BMP2K: variants seen among roughly 807,000 people sequenced by gnomAD.
The protein encoded by BMP2K is BMP2 inducible kinase, also known as BMP-2-inducible protein kinase.
BMP2K carries 74 observed loss-of-function variants against 116.0 expected under a neutral mutation model. The ratio of observed to expected loss-of-function variants is 0.64; its 90% confidence interval spans 0.53 to 0.77. BMP2K has a LOEUF of 0.77. Among genes scored for constraint, BMP2K ranks in the 30% least tolerant of loss-of-function variants. BMP2K has a pLI of 0.00. For synonymous variants in BMP2K, 486 were observed against 502.5 expected, an observed-to-expected ratio of 0.97 and a Z score of 0.44; for missense variants, 1,365 against 1,403.6, an observed-to-expected ratio of 0.97 and a Z score of 0.44.
chr4:78,786,744 C>G (rs1727751337), intron 1 of BMP2K, among the ~76,000 whole-genome samples: 1 of 152,142 alleles, frequency 6.6e-6, no homozygotes, highest in African/African-American at 2.4e-5. Context: ...GAAACCCTAT[C>G]TACAACCAAA....
chr4:78,912,190 A>G lies in BMP2K; in HGVS notation c.*157A>G. On this transcript the variant is annotated 3_prime_UTR_variant, in exon 16 of 16. Transcript: ENST00000502613. The stretch of plus-strand genomic sequence containing the variant: ...AATAAACCAAATAGAAGAATGAAGT[A>G]TCTCTACAGGGTAGTAACTTGATTC... The G allele has an allele frequency of 2.8e-6, 2 of 702,236 alleles. No homozygotes were observed. The highest frequency in any genetic ancestry group is 1.9e-5 in the South Asian group (1 of 51,986). The allele number at this position is 702,236 out of a possible 1,614,324, so 43.5% of individuals were successfully genotyped here. A position where few individuals can be genotyped will look rare whatever the true frequency, so the allele number is the denominator to read the frequency against.
At position 78,872,673 on chromosome 4, in the gene BMP2K, T is replaced by C. The variant is rs371083181; in HGVS notation, c.1668T>C (p.Ser556=). The change falls in exon 13 of 16, where the codon TCT becomes TCC. Residue 556 remains serine, a synonymous_variant. Coordinates refer to ENST00000502613, the MANE Select transcript of BMP2K (RefSeq NM_198892.2). ...AGATGCTAGCTCAACATCAGCCGTC[T>C]CAACAACAGGCATCACCTGAATATC... The part of the protein sequence containing the change: ...QQQMLAQHQP[S]QQQASPEYLT... 1.2e-6 allele frequency: 2 copies of C among 1,614,030 alleles called. No homozygotes were observed. The highest frequency in any genetic ancestry group is 1.7e-6 in the Non-Finnish European group (2 of 1,180,006).
chr4:78,890,097 A>G (rs1288647461), intron 15 of BMP2K, among the ~76,000 whole-genome samples: 1 of 152,094 alleles, frequency 6.6e-6, no homozygotes, highest in Non-Finnish European at 1.5e-5. Flanking sequence ...ATAATCTTAC[A>G]AAGTGATTTG....
chr4:78,866,004 G>A (rs1055698011), intron 10 of BMP2K, among the ~76,000 whole-genome samples: 2 of 152,044 alleles, frequency 1.3e-5, no homozygotes, highest in African/African-American at 4.8e-5. Flanking sequence ...CAACTAATAG[G>A]GTTTGAGGTT....
At chr4:78,793,810 AAAT>A (rs910147671) in intron 1 of BMP2K, among the ~76,000 whole-genome samples, 91 of 152,340 alleles carry the variant, frequency 6.0e-4, no homozygotes, top group African/African-American at 2.0e-3. Context: ...TTATATGTTG[AAAT>A]AATATTTTGG....
Position 78,859,655 on chromosome 4 carries a change from G to T in BMP2K, c.955G>T (p.Ala319Ser). The T allele has an allele frequency of 6.2e-7, 1 of 1,609,554 alleles. No individual in the cohort carries two copies. The highest frequency in any genetic ancestry group is 8.5e-7 in the Non-Finnish European group (1 of 1,177,418). ...AGTGTCATATTTTGCATTTAAATTT[G>T]CCAAAAAGGATTGTCCAGTCTCCAA... Reference protein sequence around the residue: ...FQVSYFAFKFAKKDCPVSNIN... With the variant: ...FQVSYFAFKFSKKDCPVSNIN... The change falls in exon 8 of 16, where the codon GCC becomes TCC. Residue 319 changes from alanine (A) to serine (S), a missense_variant. This residue lies in a region of BMP2K where 762 missense variants were observed against 756.7 expected (regional missense o/e 1.01). Transcript: ENST00000502613.
chr4:78,826,109 A>G lies in BMP2K; in HGVS notation c.251A>G (p.Asn84Ser). The G allele has an allele frequency of 3.1e-6, 5 of 1,614,200 alleles. No individual in the cohort carries two copies. Among genetic ancestry groups the G allele is most frequent in the Non-Finnish European group, 3.4e-6 (4 of 1,180,004 alleles). ...TGTGCATTGAAGCGAATGTATGTCA[A>G]TAACATGCCAGACCTCAATGTTTGT... is the stretch of plus-strand genomic sequence containing the variant. ...IRCALKRMYV[N>S]NMPDLNVCKR... The change falls in exon 2 of 16, where the codon AAT becomes AGT. Residue 84 changes from asparagine (N) to serine (S), a missense_variant. Physicochemically the swap from Asn to Ser is conservative, Grantham distance 46. Coordinates refer to ENST00000502613, the MANE Select transcript of BMP2K (RefSeq NM_198892.2).
chr4:78,849,940 T>A (rs75180157), intron 6 of BMP2K, among the ~76,000 whole-genome samples: 15 of 151,846 alleles, frequency 9.9e-5, no homozygotes, highest in Non-Finnish European at 1.6e-4. Context: ...CTGAGTTTAC[T>A]AAGTTGATAT....
chr4:78,800,568 A>G (rs1216965675), intron 1 of BMP2K, among the ~76,000 whole-genome samples: 1 of 152,196 alleles, frequency 6.6e-6, no homozygotes, highest in Non-Finnish European at 1.5e-5. Context: ...TTATGTCTGT[A>G]ACTTGTTTAG....
intron 15 of BMP2K, among the ~76,000 whole-genome samples, chr4:78,905,324 G>T (rs1466659324): frequency 6.6e-6 from 1 of 151,598 alleles, no homozygotes; most frequent in East Asian, 1.9e-4. Context: ...TAGTTCCAAA[G>T]CACAAAAACA....
chr4:78,890,798 T>C (rs1317962880), intron 15 of BMP2K, among the ~76,000 whole-genome samples: 3 of 152,188 alleles, frequency 2.0e-5, no homozygotes, highest in African/African-American at 7.2e-5. Context: ...CACCAATCTT[T>C]ATGGAAATTC....
In BMP2K at chr4:78,904,556, C is replaced by G. The variant is rs1315878915; in HGVS notation, c.2063-6054C>G. 2.6e-5 allele frequency among the ~76,000 whole-genome samples: 4 copies of G among 151,948 alleles called. No individual in the cohort carries two copies. In the South Asian group the frequency reaches 6.2e-4, roughly 24 times the overall value. On this transcript the variant is annotated intron_variant, in intron 15 of 15. Transcript: ENST00000502613. ...GCTGTTCTTAATAAATTACCCAGATCTGCATTGTCTTAGTCACTCACCTTA... is the reference window on the plus strand; with the variant it reads ...GCTGTTCTTAATAAATTACCCAGATGTGCATTGTCTTAGTCACTCACCTTA...
At chr4:78,797,172 A>G (rs1371698600) in intron 1 of BMP2K, among the ~76,000 whole-genome samples, 10 of 152,114 alleles carry the variant, frequency 6.6e-5, no homozygotes, top group Non-Finnish European at 1.0e-4. Flanking sequence ...ATCACCTGGG[A>G]TTTTTTAAAC....
intron 10 of BMP2K, among the ~76,000 whole-genome samples, chr4:78,868,159 GA>G (rs1317587948): frequency 6.6e-6 from 1 of 152,198 alleles, no homozygotes; most frequent in African/African-American, 2.4e-5. Context: ...GAAACTGGGG[GA>G]AAAAAAGAGG....
intron 7 of BMP2K, among the ~76,000 whole-genome samples, chr4:78,856,806 C>T (rs1209831237): frequency 6.6e-6 from 1 of 152,126 alleles, no homozygotes; most frequent in Non-Finnish European, 1.5e-5. Flanking sequence ...GCTGGAAAAC[C>T]TTAGACTTCT....
chr4:78,833,892 G>T (rs1577910168), intron 3 of BMP2K, among the ~76,000 whole-genome samples: 1 of 152,116 alleles, frequency 6.6e-6, no homozygotes, highest in Admixed American at 6.5e-5. Context: ...GCATGTAAAC[G>T]CAGAATGAGA....
chr4:78,842,645 C>G, intron 4 of BMP2K, 118 bp downstream of exon 4: 1 of 844,144 alleles, frequency 1.2e-6, no homozygotes, highest in Middle Eastern at 3.0e-4. Flanking sequence ...CTCTCCCCTT[C>G]TACATTTCCT....
At chr4:78,867,109 T>C (rs1309551646) in intron 10 of BMP2K, among the ~76,000 whole-genome samples, 3 of 151,454 alleles carry the variant, frequency 2.0e-5, no homozygotes, top group Admixed American at 6.6e-5. Context: ...TAGATGGAGA[T>C]TGCAGTGAGC....
chr4:78,900,559 G>T (rs1052123173), intron 15 of BMP2K, among the ~76,000 whole-genome samples: 2 of 152,072 alleles, frequency 1.3e-5, no homozygotes, highest in African/African-American at 4.8e-5. Context: ...TTTGTGATAG[G>T]GAATTAAGGA....
Sources: gnomAD v4.1 joint callset for allele counts (sites outside exome capture counted in the v4.1 genomes callset) on GRCh38, gnomAD v4.1.1 for gene constraint, gnomAD v4.1.1 regional missense constraint, MANE v1.5 for transcripts, NCBI Gene and HGNC (gene_info 2026-07-23, HGNC 2026-07-21) for gene names.